The following NECTIN3 variants were observed in gnomAD, a reference collection of about 807,000 sequenced individuals.
NECTIN3 encodes the protein nectin cell adhesion molecule 3, also known as nectin-3.
NECTIN3 carries 8 observed loss-of-function variants against 49.4 expected under a neutral mutation model. The ratio of observed to expected loss-of-function variants is 0.16; its 90% confidence interval spans 0.10 to 0.29. The LOEUF (loss-of-function observed/expected upper bound fraction) is 0.29. NECTIN3 is among the 10% of genes least tolerant of loss of function. The pLI is 1.00. For missense variants in NECTIN3, 581 were observed against 654.6 expected, an observed-to-expected ratio of 0.89 and a Z score of 1.23; for synonymous variants, 277 against 241.1, an observed-to-expected ratio of 1.15 and a Z score of -1.38.
intron 1 of NECTIN3, among the ~76,000 whole-genome samples, chr3:111,104,313 CTTTTTTTTTT>C (rs935543116): frequency 1.1e-5 from 1 of 89,282 alleles, no homozygotes; most frequent in Non-Finnish European, 2.1e-5. Flanking sequence ...CTGTTCAGAT[CTTTTTTTTTT>C]TTTTTTTTTT....
intron 7 of NECTIN3, among the ~76,000 whole-genome samples, chr3:111,167,712 C>T (rs1216599906): frequency 6.6e-6 from 1 of 152,004 alleles, no homozygotes; most frequent in Non-Finnish European, 1.5e-5. Flanking sequence ...GTCTCCTTTG[C>T]TGGTGGTATT....
chr3:111,144,354 T>A (rs2034823074), intron 5 of NECTIN3, among the ~76,000 whole-genome samples: 1 of 151,966 alleles, frequency 6.6e-6, no homozygotes, highest in African/African-American at 2.4e-5. Context: ...TAAGGGAAAT[T>A]TTGTGCAAGT....
At position 111,135,292 on chromosome 3, in the gene NECTIN3, T is replaced by A; in HGVS notation, c.*1077T>A. ...TATAGAATTAGTCGGTAACACTTGC[T>A]AATGGACATTGGCATTCATCTCCTT... is the stretch of plus-strand genomic sequence containing the variant. On this transcript the variant is annotated 3_prime_UTR_variant, in exon 6 of 6. Transcript: ENST00000485303. The A allele has an allele frequency of 1.0e-6, 1 of 961,254 alleles. No individual in the cohort carries two copies. The highest frequency in any genetic ancestry group is 1.2e-6 in the Non-Finnish European group (1 of 808,284). 59.5% of individuals were successfully genotyped at this position (961,254 alleles called of 1,614,324 possible). A position where few individuals can be genotyped will look rare whatever the true frequency, so the allele number is the denominator to read the frequency against.
At chr3:111,092,272 G>A (rs1211331647) in intron 1 of NECTIN3, among the ~76,000 whole-genome samples, 2 of 152,016 alleles carry the variant, frequency 1.3e-5, no homozygotes, top group Non-Finnish European at 2.9e-5. Flanking sequence ...CCCTATTGAT[G>A]TCCATTTTAA....
intron 1 of NECTIN3, chr3:111,077,338 T>C (rs2031278743): frequency 2.7e-5 from 1 of 36,788 alleles, no homozygotes; most frequent in Non-Finnish European, 3.1e-4. Context: ...GTTTCAACTT[T>C]AATGGTAAAA....
intron 2 of NECTIN3, among the ~76,000 whole-genome samples, chr3:111,113,968 A>G (rs1395628008): frequency 2.0e-5 from 3 of 152,096 alleles, no homozygotes; most frequent in Non-Finnish European, 4.4e-5. Flanking sequence ...GGGCAACAGA[A>G]TGAGACTGTG....
chr3:111,075,331 C>T (rs1304358802), intron 1 of NECTIN3: 3 of 152,090 alleles, frequency 2.0e-5, no homozygotes, highest in Non-Finnish European at 2.9e-5. Context: ...TCTTCCTTCC[C>T]TGTCCTTCCC....
At chr3:111,157,348 C>T (rs1355770781) in intron 7 of NECTIN3, among the ~76,000 whole-genome samples, 4 of 152,020 alleles carry the variant, frequency 2.6e-5, no homozygotes, top group Non-Finnish European at 5.9e-5. Flanking sequence ...GTTTCCATGA[C>T]AACCAAACAA....
intron 7 of NECTIN3, among the ~76,000 whole-genome samples, chr3:111,171,578 T>C (rs1338571023): frequency 6.6e-6 from 1 of 152,154 alleles, no homozygotes; most frequent in African/African-American, 2.4e-5. Context: ...TAATATACCA[T>C]CATTTCCCAA....
intron 4 of NECTIN3, among the ~76,000 whole-genome samples, chr3:111,124,464 A>G (rs1055692541): frequency 6.6e-6 from 1 of 152,188 alleles, no homozygotes; most frequent in East Asian, 1.9e-4. Context: ...TTTGAGCCCA[A>G]AGTACAAAGG....
At position 111,118,966 on chromosome 3, in the gene NECTIN3, A is replaced by C; in HGVS notation, c.799+14A>C. The C allele has an allele frequency of 6.4e-7, 1 of 1,557,144 alleles. No homozygotes were observed. Among genetic ancestry groups the C allele is most frequent in the Non-Finnish European group, 8.7e-7 (1 of 1,147,374 alleles). On this transcript the variant is annotated intron_variant, in intron 3 of 5. Transcript: ENST00000485303. Reference sequence around the variant, plus strand: ...TAGACATACAGTGTAAGTAAATGGTAACATTTACTTTTTAAATATTTGTCA... The same window carrying C: ...TAGACATACAGTGTAAGTAAATGGTCACATTTACTTTTTAAATATTTGTCA...
Position 111,103,586 on chromosome 3 carries a change from A to G in NECTIN3, c.161-8444A>G, listed in dbSNP as rs1037156860. Among the ~76,000 whole-genome samples, 4 of 151,910 alleles carry G rather than the reference A, an allele frequency of 2.6e-5. 1 individual carries two copies. Among genetic ancestry groups the G allele is most frequent in the Admixed American group, 2.0e-4 (3 of 15,270 alleles). ...GGAAGTTTTATTTCTTAATAAATAA[A>G]GAAATAAAGAAAGGAAGAAATAAAA... On this transcript the variant is annotated intron_variant, in intron 1 of 5. Transcript: ENST00000485303.
chr3:111,147,401 A>G lies in NECTIN3; in HGVS notation c.1140-2A>G. ...TCACATATTTTAACCTTTGCAATGC[A>G]GGATTGACCTTCCACCCACACATAA... On this transcript the variant is annotated splice_acceptor_variant, in intron 6 of 8. Transcript: ENST00000493615. LOFTEE classifies it high-confidence loss of function. 2.0e-6 allele frequency: 3 copies of G among 1,524,344 alleles called. No individual in the cohort carries two copies. Among genetic ancestry groups the G allele is most frequent in the Non-Finnish European group, 2.6e-6 (3 of 1,137,746 alleles). 94.4% of individuals were successfully genotyped at this position (1,524,344 alleles called of 1,614,324 possible). A position where few individuals can be genotyped will look rare whatever the true frequency, so the allele number is the denominator to read the frequency against.
chr3:111,158,986 A>G (rs1255263048), intron 7 of NECTIN3, among the ~76,000 whole-genome samples: 2 of 152,186 alleles, frequency 1.3e-5, no homozygotes, highest in Non-Finnish European at 2.9e-5. Context: ...AAGATACTCA[A>G]CATTACTAGT....
upstream of NECTIN3, among the ~76,000 whole-genome samples, chr3:111,187,458 C>T (rs1354088759): frequency 6.6e-6 from 1 of 152,114 alleles, no homozygotes; most frequent in African/African-American, 2.4e-5. Flanking sequence ...AAATCACACT[C>T]CTTAATATTT....
intron 7 of NECTIN3, among the ~76,000 whole-genome samples, chr3:111,176,732 A>C (rs923450297): frequency 3.3e-5 from 5 of 152,076 alleles, no homozygotes; most frequent in African/African-American, 1.2e-4. Context: ...AGATCCCCCC[A>C]AAAATACATG....
At chr3:111,113,931 C>T (rs1421752266) in intron 2 of NECTIN3, among the ~76,000 whole-genome samples, 1 of 151,914 alleles carries the variant, frequency 6.6e-6, no homozygotes, top group African/African-American at 2.4e-5. Context: ...TGCAGTGAGC[C>T]GAGATTATAC....
In NECTIN3 at chr3:111,133,520, G is replaced by A. The variant is rs549593345; in HGVS notation, c.1070-115G>A. On this transcript the variant is annotated intron_variant, in intron 5 of 5. Transcript: ENST00000485303. ...ATCAAATTAAGAATGAAAAACTATT[G>A]TTACTATGAATATATATTCATTAAC... The A allele has an allele frequency of 2.0e-5, 27 of 1,363,552 alleles. No individual in the cohort carries two copies. The African/African-American group carries it at 2.9e-4, about 15-fold the overall frequency. 84.5% of individuals were successfully genotyped at this position (1,363,552 alleles called of 1,614,324 possible).
At chr3:111,145,645 A>T (rs2034856182) in intron 6 of NECTIN3, among the ~76,000 whole-genome samples, 1 of 152,222 alleles carries the variant, frequency 6.6e-6, no homozygotes, top group Non-Finnish European at 1.5e-5. Context: ...AATTCTATCA[A>T]CAGCTTTGTT....
Sources: allele counts gnomAD v4.1 joint callset (sites outside exome capture counted in the v4.1 genomes callset), GRCh38; gene constraint gnomAD v4.1.1; transcripts MANE v1.5; gene names NCBI Gene and HGNC (gene_info 2026-07-23, HGNC 2026-07-21).